RAB28: variants seen among roughly 807,000 people sequenced by gnomAD.
The protein encoded by RAB28 is ras-related protein Rab-28.
Under a neutral mutation model 31.7 loss-of-function variants are expected in RAB28, and 24 were observed. The ratio of observed to expected loss-of-function variants is 0.76; its 90% CI spans 0.55 to 1.06. RAB28 has a LOEUF of 1.06. RAB28 is among the 50% of genes least tolerant of loss of function. The pLI, the probability that RAB28 is intolerant of heterozygous loss-of-function variation, is 0.00. For missense variants in RAB28, 254 were observed against 258.5 expected, an observed-to-expected ratio of 0.98 and a Z score of 0.12; for synonymous variants, 100 against 90.4, an observed-to-expected ratio of 1.11 and a Z score of -0.60.
Position 13,431,646 on chromosome 4 carries a change from G to C in RAB28, c.391+29053C>G, listed in dbSNP as rs188362133. ...TATATCGCTACAACAAGCAGCATCT[G>C]AGAAAGCCACCACACAGAAACTACC... On this transcript the variant is annotated intron_variant, in intron 4 of 6. Coordinates refer to ENST00000330852, the MANE Select transcript of RAB28 (RefSeq NM_001017979.3). Among the ~76,000 whole-genome samples, 25 of 152,152 alleles carry C rather than the reference G, an allele frequency of 1.6e-4. No homozygotes were observed. The East Asian group carries it at 4.1e-3, about 25-fold the overall frequency.
At chr4:13,413,719 A>G (rs996474145) in intron 4 of RAB28, among the ~76,000 whole-genome samples, 7 of 152,192 alleles carry the variant, frequency 4.6e-5, no homozygotes, top group Non-Finnish European at 1.0e-4. Context: ...TTAGGAATGG[A>G]AAAAAGGGGA....
intron 4 of RAB28, among the ~76,000 whole-genome samples, chr4:13,445,971 A>G (rs1443474961): frequency 1.3e-5 from 2 of 152,180 alleles, no homozygotes; most frequent in Non-Finnish European, 2.9e-5. Context: ...CTGAGTCTGC[A>G]GCCGCCCCTC....
At chr4:13,376,519 T>G in intron 6 of RAB28, 26 bp downstream of exon 6, 2 of 1,527,570 alleles carry the variant, frequency 1.3e-6, no homozygotes, top group Non-Finnish European at 1.8e-6. Flanking sequence ...CATTAATTTT[T>G]TAAATATAAA....
At chr4:13,374,458 T>C (rs1289550032) in intron 6 of RAB28, among the ~76,000 whole-genome samples, 1 of 151,976 alleles carries the variant, frequency 6.6e-6, no homozygotes, top group Non-Finnish European at 1.5e-5. Flanking sequence ...TCTCCAGAGG[T>C]CTCCTTGTAT....
chr4:13,427,951 G>A (rs753711979), intron 4 of RAB28, among the ~76,000 whole-genome samples: 51 of 152,196 alleles, frequency 3.4e-4, no homozygotes, highest in Middle Eastern at 3.2e-3. Flanking sequence ...CGCAGCTCCC[G>A]AGTGAGCAAT....
At chr4:13,416,369 C>T (rs1288510828) in intron 4 of RAB28, among the ~76,000 whole-genome samples, 1 of 152,182 alleles carries the variant, frequency 6.6e-6, no homozygotes, top group Admixed American at 6.5e-5. Flanking sequence ...TATATCCAAA[C>T]ATCAGAAGGA....
rs4834951 is a variant in RAB28, at chr4:13,381,682, T to C, written c.392-88A>G. ...TGTTTAAATTTGACTTGCTTTCCAA[T>C]ATTATATTCCAGCTTCGACATCAGC... On this transcript the variant is annotated intron_variant, in intron 4 of 6. Transcript: ENST00000330852. The C allele has an allele frequency of 9.2e-3, 8,464 of 924,958 alleles. 821 individuals are homozygous for C. The Admixed American group carries it at 0.19, about 21-fold the overall frequency. The allele number at this position is 924,958 out of a possible 1,614,324, so 57.3% of individuals were successfully genotyped here. A position where few individuals can be genotyped will look rare whatever the true frequency, so the allele number is the denominator to read the frequency against.
chr4:13,377,732 G>A (rs1376497354), intron 5 of RAB28, among the ~76,000 whole-genome samples: 2 of 152,172 alleles, frequency 1.3e-5, no homozygotes, highest in African/African-American at 2.4e-5. Flanking sequence ...TACAAAAACA[G>A]AATCAGCAAA....
chr4:13,473,250 T>C (rs1354659775), intron 3 of RAB28, among the ~76,000 whole-genome samples: 2 of 152,012 alleles, frequency 1.3e-5, no homozygotes, highest in Admixed American at 6.6e-5. Flanking sequence ...ATGAGCAACA[T>C]GTTTCCACAT....
chr4:13,391,443 T>G (rs1278679222), intron 4 of RAB28, among the ~76,000 whole-genome samples: 3 of 152,196 alleles, frequency 2.0e-5, no homozygotes, highest in Non-Finnish European at 4.4e-5. Flanking sequence ...AGGAACGCTT[T>G]TACGCTGTTG....
chr4:13,390,498 A>G (rs1004478342), intron 4 of RAB28, among the ~76,000 whole-genome samples: 5 of 152,162 alleles, frequency 3.3e-5, no homozygotes, highest in Non-Finnish European at 5.9e-5. Context: ...TGCCCAAGGT[A>G]ATTTATAGAT....
intron 1 of RAB28, among the ~76,000 whole-genome samples, chr4:13,480,751 T>G (rs1716572571): frequency 6.6e-6 from 1 of 151,946 alleles, no homozygotes; most frequent in Admixed American, 6.6e-5. Flanking sequence ...CACTACCATA[T>G]AAAGGGTATT....
chr4:13,394,834 G>A (rs2108894517), intron 4 of RAB28, among the ~76,000 whole-genome samples: 2 of 152,118 alleles, frequency 1.3e-5, no homozygotes, highest in South Asian at 4.2e-4. Context: ...GATGTCTGAG[G>A]ACAAAAAAAC....
Position 13,367,731 on chromosome 4 carries a change from A to C in RAB28, c.*827T>G, listed in dbSNP as rs1253021621. 1.0e-6 allele frequency: 1 copy of C among 981,156 alleles called. No homozygotes were observed. Among genetic ancestry groups the C allele is most frequent in the Non-Finnish European group, 1.2e-6 (1 of 826,118 alleles). 60.8% of individuals were successfully genotyped at this position (981,156 alleles called of 1,614,324 possible). ...GAAAATTGCCAAAAGAAGTAATTTA[A>C]ATAAGTTTATTTGTGAAAGAAAAAC... On this transcript the variant is annotated 3_prime_UTR_variant, in exon 7 of 7. Transcript: ENST00000330852.
chr4:13,371,955 G>C, intron 6 of RAB28: 3 of 1,304,370 alleles, frequency 2.3e-6, no homozygotes, highest in Non-Finnish European at 3.2e-6. Flanking sequence ...GGAAATGGAA[G>C]TGGCAGCCAT....
At chr4:13,385,063 C>T (rs1191051266) in intron 4 of RAB28, among the ~76,000 whole-genome samples, 1 of 152,088 alleles carries the variant, frequency 6.6e-6, no homozygotes, top group African/African-American at 2.4e-5. Flanking sequence ...AATGCAATTC[C>T]AACTATTAAT....
At chr4:13,482,080 T>C (rs1028959761) in intron 1 of RAB28, among the ~76,000 whole-genome samples, 2 of 152,130 alleles carry the variant, frequency 1.3e-5, no homozygotes, top group Non-Finnish European at 2.9e-5. Flanking sequence ...AAATAAGTTA[T>C]TTAGTCAAGA....
chr4:13,379,073 G>T (rs1291718157), intron 5 of RAB28, among the ~76,000 whole-genome samples: 2 of 151,412 alleles, frequency 1.3e-5, no homozygotes, highest in Non-Finnish European at 3.0e-5. Flanking sequence ...CAGGCGTGGT[G>T]GTGGGTGCCT....
intron 4 of RAB28, among the ~76,000 whole-genome samples, chr4:13,451,544 T>G (rs1358771303): frequency 6.6e-6 from 1 of 151,794 alleles, no homozygotes; most frequent in Non-Finnish European, 1.5e-5. Context: ...TTTCACTCTG[T>G]TGGTTGTTTC....
Sources: gnomAD v4.1 joint callset for allele counts (sites outside exome capture counted in the v4.1 genomes callset) on GRCh38, gnomAD v4.1.1 for gene constraint, MANE v1.5 for transcripts, NCBI Gene and HGNC (gene_info 2026-07-23, HGNC 2026-07-21) for gene names.